The following JAG1 variants were observed in gnomAD, a reference collection of about 807,000 sequenced individuals.
The protein encoded by JAG1 is jagged canonical Notch ligand 1.
In JAG1, 23 loss-of-function variants were observed where a neutral mutation model predicts 148.7. The ratio of observed to expected loss-of-function variants is 0.15; its 90% CI spans 0.11 to 0.22. The LOEUF (loss-of-function observed/expected upper bound fraction) is 0.22. Among genes scored for constraint, JAG1 ranks in the 10% least tolerant of loss-of-function variants. The probability of loss-of-function intolerance (pLI) is 1.00; values close to 1 mark genes in which losing one functional copy is unlikely to be tolerated. For missense variants in JAG1, 1,054 were observed against 1,611.2 expected (o/e 0.65, Z 5.92); for synonymous variants, 572 against 598.3 (o/e 0.96, Z 0.64).
intron 4 of JAG1, among the ~76,000 whole-genome samples, chr20:10,656,770 G>A (rs150244938): frequency 1.1e-3 from 167 of 151,680 alleles, no homozygotes; most frequent in African/African-American, 4.0e-3. Flanking sequence ...AGCAGAGCTT[G>A]GTCAGTTTCC....
At chr20:10,667,238 G>A (rs1052679875) in intron 2 of JAG1, among the ~76,000 whole-genome samples, 1 of 152,324 alleles carries the variant, frequency 6.6e-6, no homozygotes, top group African/African-American at 2.4e-5. Context: ...GCCCGCCGGC[G>A]GCACGCACAT....
chr20:10,649,079 C>G lies in JAG1; in HGVS notation c.1377G>C (p.Gln459His), dbSNP rs762746994. 6.8e-6 allele frequency: 11 copies of G among 1,610,376 alleles called. No individual in the cohort carries two copies. Among genetic ancestry groups the G allele is most frequent in the Middle Eastern group, 3.3e-4 (2 of 6,074 alleles). Residue 459 changes from glutamine to histidine, a missense_variant, in exon 11 of 26, where the codon CAG (glutamine) becomes CAC (histidine). Around this residue, in one of 6 missense-constraint regions of JAG1, gnomAD observed 245 missense variants for 373.1 expected, o/e 0.66. Transcript: ENST00000254958. ...ININDCLGQC[Q>H]NDASCRDLVN... ...TACATACCCGACAGGAGGCGTCATT[C>G]TGACACTGGCCAAGGCAGTCATTAA...
intron 5 of JAG1, among the ~76,000 whole-genome samples, chr20:10,653,363 C>CT (rs2067358883): frequency 6.7e-6 from 1 of 149,098 alleles, no homozygotes; most frequent in Admixed American, 6.8e-5. Flanking sequence ...TAATCATACT[C>CT]TTTTGGGGCC....
Position 10,645,803 on chromosome 20 carries a change from AG to A in JAG1, c.1999+167del, listed in dbSNP as rs1402281669. ...AAGCTCCTCCCCATAAGCTATCATC[AG>A]GACTCATAAATGCAAATGAGACACA... is the stretch of plus-strand genomic sequence containing the variant. On this transcript the variant is annotated intron_variant, in intron 15 of 25. Transcript: ENST00000254958. The surrounding 1 kb of genome is among the most constrained non-coding windows in gnomAD (Gnocchi z 6.1). The A allele has an allele frequency of 1.5e-5, 10 of 678,682 alleles. No individual in the cohort carries two copies. The highest frequency in any genetic ancestry group is 3.5e-5 in the African/African-American group (2 of 56,352). The allele number at this position is 678,682 out of a possible 1,614,324, so 42.0% of individuals were successfully genotyped here.
At chr20:10,649,810 C>T (rs2067333953) in intron 9 of JAG1, 175 bp from the exon 10 acceptor site, 1 of 640,628 alleles carries the variant, frequency 1.6e-6, no homozygotes, top group Admixed American at 2.5e-5. Context: ...CTCTCCCTAG[C>T]TATTATCCAA....
At chr20:10,672,487 G>C (rs906396671) in intron 2 of JAG1, among the ~76,000 whole-genome samples, 10 of 152,144 alleles carry the variant, frequency 6.6e-5, no homozygotes, top group African/African-American at 2.2e-4. Flanking sequence ...TGTGCACTAA[G>C]CAAATAGCAG....
chr20:10,648,024 G>C lies in JAG1; in HGVS notation c.1656C>G (p.Pro552=), dbSNP rs371977432. ...NRASDYFCKC[P]EDYEGKNCSH... is the part of the protein sequence containing the mutation. ...AGCAGTTCTTGCCCTCATAGTCCTC[G>C]GGGCACTTGCAGAAATAGTCACTGG... Residue 552 remains proline, a synonymous_variant, in exon 13 of 26, where the codon CCC becomes CCG. Coordinates refer to ENST00000254958, the MANE Select transcript of JAG1 (RefSeq NM_000214.3). 1.2e-6 allele frequency: 2 copies of C among 1,614,120 alleles called. No homozygotes were observed. Among genetic ancestry groups the C allele is most frequent in the South Asian group, 2.2e-5 (2 of 91,070 alleles).
chr20:10,638,828 AATG>A lies in JAG1; in HGVS notation c.*667_*669del, dbSNP rs1443797505. ...AAACACATACATATAAATAAAAAGG[AATG>A]ATGTTTTAAGGCTCTTGATTATTAA... On this transcript the variant is annotated 3_prime_UTR_variant, in exon 26 of 26. Transcript: ENST00000254958. The A allele has an allele frequency of 6.5e-6, 1 of 152,888 alleles. No homozygotes were observed. The highest frequency in any genetic ancestry group is 1.5e-5 in the Non-Finnish European group (1 of 68,216). 9.5% of individuals were successfully genotyped at this position (152,888 alleles called of 1,614,324 possible). A position where few individuals can be genotyped will look rare whatever the true frequency, so the allele number is the denominator to read the frequency against.
chr20:10,644,729 G>C, intron 18 of JAG1, 134 bp downstream of exon 18: 1 of 780,004 alleles, frequency 1.3e-6, no homozygotes, highest in Non-Finnish European at 2.3e-6. Context: ...ATCCCATCAA[G>C]TCATTAATGC....
chr20:10,660,822 C>T (rs3748477), intron 3 of JAG1, among the ~76,000 whole-genome samples: 12,817 of 152,178 alleles, frequency 0.084, 786 homozygotes, highest in East Asian at 0.22. Flanking sequence ...AGCCTTGTGA[C>T]TGGAAAAGGA....
In JAG1 at chr20:10,645,940, C is replaced by A. The variant is rs759070930; in HGVS notation, c.1999+31G>T. ...GATCCCTCCAACATGACCCATACAT[C>A]CCAGAGCTCCCCAAAGAGTGGCAGA... On this transcript the variant is annotated intron_variant, in intron 15 of 25. Transcript: ENST00000254958. The surrounding 1 kb of genome is among the most constrained non-coding windows in gnomAD (Gnocchi z 6.1). The A allele has an allele frequency of 6.9e-7, 1 of 1,444,168 alleles. No individual in the cohort carries two copies. The highest frequency in any genetic ancestry group is 9.8e-7 in the Non-Finnish European group (1 of 1,024,974). The allele number at this position is 1,444,168 out of a possible 1,614,324, so 89.5% of individuals were successfully genotyped here. A position where few individuals can be genotyped will look rare whatever the true frequency, so the allele number is the denominator to read the frequency against.
intron 4 of JAG1, among the ~76,000 whole-genome samples, chr20:10,656,723 T>G (rs2067381856): frequency 6.6e-6 from 1 of 152,178 alleles, no homozygotes; most frequent in South Asian, 2.1e-4. Flanking sequence ...GGGACCTTCG[T>G]CCAGCCTCTC....
At position 10,640,074 on chromosome 20, in the gene JAG1, C is replaced by A. The variant is rs2067259766; in HGVS notation, c.3200-119G>T. 2 of 795,248 alleles carry A rather than the reference C, an allele frequency of 2.5e-6. 1 individual carries two copies. The highest frequency in any genetic ancestry group is 2.9e-5 in the South Asian group (2 of 68,464). The allele number at this position is 795,248 out of a possible 1,614,324, so 49.3% of individuals were successfully genotyped here. A position where few individuals can be genotyped will look rare whatever the true frequency, so the allele number is the denominator to read the frequency against. On this transcript the variant is annotated intron_variant, in intron 25 of 25. Transcript: ENST00000254958. ...CCCTTTATCCCTAAGAGGGGGGCCA[C>A]AGGGACAAGTCCCTTTTCATCATTG...
At position 10,652,460 on chromosome 20, in the gene JAG1, G is replaced by A; in HGVS notation, c.886+8C>T. ...TCCCACCCTGGGTCTCATCCCTAAG[G>A]GCCATACCTTTGTCACAGAGCTGGC... On this transcript the variant is annotated splice_region_variant and intron_variant, in intron 6 of 25. Coordinates refer to ENST00000254958, the MANE Select transcript of JAG1 (RefSeq NM_000214.3). 1.2e-6 allele frequency: 2 copies of A among 1,613,956 alleles called. No individual in the cohort carries two copies. Among genetic ancestry groups the A allele is most frequent in the Non-Finnish European group, 1.7e-6 (2 of 1,180,010 alleles).
chr20:10,644,543 C>T, intron 18 of JAG1, 159 bp from the exon 19 acceptor site: 1 of 704,396 alleles, frequency 1.4e-6, no homozygotes, highest in South Asian at 1.6e-5. Context: ...CCGCACCACA[C>T]TTAGTTTCAT....
At chr20:10,652,313 C>T in intron 6 of JAG1, 63 bp from the exon 7 acceptor site, 1 of 1,608,620 alleles carries the variant, frequency 6.2e-7, no homozygotes, top group African/African-American at 1.3e-5. Context: ...CACCATGTTT[C>T]TAGCCCCAGT....
chr20:10,673,446 C>G lies in JAG1; in HGVS notation c.81+4G>C. The G allele has an allele frequency of 6.9e-7, 1 of 1,449,084 alleles. No individual in the cohort carries two copies. The highest frequency in any genetic ancestry group is 9.1e-7 in the Non-Finnish European group (1 of 1,102,022). The allele number at this position is 1,449,084 out of a possible 1,614,324, so 89.8% of individuals were successfully genotyped here. A position where few individuals can be genotyped will look rare whatever the true frequency, so the allele number is the denominator to read the frequency against. Reference sequence around the variant, plus strand: ...GGGAGGGAGGCCCGGAGAAGGGCTCCTACCTTGGCTCGCAGGGCACAGAGC... The same window carrying G: ...GGGAGGGAGGCCCGGAGAAGGGCTCGTACCTTGGCTCGCAGGGCACAGAGC... On this transcript the variant is annotated splice_donor_region_variant and intron_variant, in intron 1 of 25. Coordinates refer to ENST00000254958, the MANE Select transcript of JAG1 (RefSeq NM_000214.3). This position sits in a 1 kb window ranked among gnomAD's most constrained non-coding sequence, Gnocchi z 4.7.
At chr20:10,648,157 C>G in intron 12 of JAG1, 47 bp from the exon 13 acceptor site, 1 of 1,612,004 alleles carries the variant, frequency 6.2e-7, no homozygotes, top group Non-Finnish European at 8.5e-7. Flanking sequence ...CAGAGTAAAA[C>G]AAAGGTGTCA....
chr20:10,640,682 G>T (rs1600178341), intron 25 of JAG1, 101 bp downstream of exon 25: 1 of 1,266,374 alleles, frequency 7.9e-7, no homozygotes, highest in Non-Finnish European at 1.2e-6. Context: ...TCCTGCGAGG[G>T]TAGGGCACTG....
Sources: gnomAD v4.1 joint callset for allele counts (sites outside exome capture counted in the v4.1 genomes callset) on GRCh38, gnomAD v4.1.1 for gene constraint, gnomAD v4.1.1 regional missense constraint, Gnocchi (gnomAD v3.1) non-coding constraint, MANE v1.5 for transcripts, NCBI Gene and HGNC (gene_info 2026-07-23, HGNC 2026-07-21) for gene names.